ZFP37: variants seen among roughly 807,000 people sequenced by gnomAD.
The protein encoded by ZFP37 is zinc finger protein 37 homolog.
Under a neutral mutation model 52.1 loss-of-function variants are expected in ZFP37, and 38 were observed. The ratio of observed to expected loss-of-function variants is 0.73; its 90% CI spans 0.56 to 0.96. The LOEUF (loss-of-function observed/expected upper bound fraction) is 0.96. ZFP37 is among the 40% of genes least tolerant of loss of function. The pLI is 0.00. For missense variants in ZFP37, 695 were observed against 741.4 expected, an observed-to-expected ratio of 0.94 and a Z score of 0.73; for synonymous variants, 253 against 259.5, an observed-to-expected ratio of 0.98 and a Z score of 0.24.
intron 1 of ZFP37, 59 bp downstream of exon 1, chr9:113,056,498 T>C: frequency 6.3e-7 from 1 of 1,597,010 alleles, no homozygotes; most frequent in Non-Finnish European, 8.5e-7. Flanking sequence ...CTCCAATCAC[T>C]GCCCCGCAAG....
rs997054320 is a variant in ZFP37, at chr9:113,039,136, A to G, written c.*3589T>C. On this transcript the variant is annotated 3_prime_UTR_variant, in exon 4 of 4. Transcript: ENST00000374227. ...TATTTCTCTCTGTTCTGCAATAAAT[A>G]TCATAGTACGCCTTGATTGTACAAC... 4 of 152,150 alleles carry G rather than the reference A, an allele frequency of 2.6e-5. No homozygotes were observed. The highest frequency in any genetic ancestry group is 9.7e-5 in the African/African-American group (4 of 41,438). The allele number at this position is 152,150 out of a possible 1,614,324, so 9.4% of individuals were successfully genotyped here.
Position 113,043,725 on chromosome 9 carries a change from C to T in ZFP37, c.893G>A (p.Cys298Tyr), listed in dbSNP as rs1828898209. 2 of 1,613,902 alleles carry T rather than the reference C, an allele frequency of 1.2e-6. No individual in the cohort carries two copies. The highest frequency in any genetic ancestry group is 1.7e-5 in the Admixed American group (1 of 59,998). Residue 298 changes from cysteine to tyrosine, a missense_variant, in exon 4 of 4, where the codon TGT becomes TAT. Cys to Tyr is a radical substitution (Grantham distance 194). Around this residue, in one of 2 missense-constraint regions of ZFP37, gnomAD observed 326 missense variants for 400.5 expected, o/e 0.81. Transcript: ENST00000374227. Reference protein sequence around the residue: ...ACVKPYECNQCGKVLSHKQGL... With the variant: ...ACVKPYECNQYGKVLSHKQGL... The stretch of plus-strand genomic sequence containing the variant: ...TTGTTTATGGCTGAGAACCTTTCCA[C>T]ATTGATTACATTCATAGGGTTTCAC...
Position 113,042,467 on chromosome 9 carries a change from G to A in ZFP37, c.*258C>T. On this transcript the variant is annotated 3_prime_UTR_variant, in exon 4 of 4. Transcript: ENST00000374227. ...ATTCAAATAATTCACAATTTTTAAAGCTTTCAATTTCAATCTGAACATGTA... is the reference window on the plus strand; with the variant it reads ...ATTCAAATAATTCACAATTTTTAAAACTTTCAATTTCAATCTGAACATGTA... The A allele has an allele frequency of 6.2e-6, 2 of 320,848 alleles. No individual in the cohort carries two copies. The highest frequency in any genetic ancestry group is 5.5e-5 in the East Asian group (1 of 18,298). 19.9% of individuals were successfully genotyped at this position (320,848 alleles called of 1,614,324 possible).
intron 3 of ZFP37, among the ~76,000 whole-genome samples, chr9:113,046,208 ATATC>A (rs1214684376): frequency 1.1e-4 from 8 of 70,166 alleles, no homozygotes; most frequent in East Asian, 4.7e-4. Flanking sequence ...AGACAGATAT[ATATC>A]TATATATAGA....
chr9:113,046,223 C>CAGATATATATCTATATATAGACAGAT (rs3033197), intron 3 of ZFP37, among the ~76,000 whole-genome samples: 8 of 148,216 alleles, frequency 5.4e-5, no homozygotes, highest in African/African-American at 9.9e-5. Flanking sequence ...TATATATAGA[C>CAGATATATATCTATATATAGACAGAT]ATATATCTAT....
intron 3 of ZFP37, among the ~76,000 whole-genome samples, chr9:113,049,052 C>G (rs1829009287): frequency 6.6e-6 from 1 of 152,132 alleles, no homozygotes; most frequent in South Asian, 2.1e-4. Context: ...ATTTCAGGGG[C>G]TCATTCCTTC....
chr9:113,039,958 G>A lies in ZFP37; in HGVS notation c.*2767C>T, dbSNP rs1384534044. 1 of 152,150 alleles carries A rather than the reference G, an allele frequency of 6.6e-6. No homozygotes were observed. The highest frequency in any genetic ancestry group is 1.5e-5 in the Non-Finnish European group (1 of 68,024). 9.4% of individuals were successfully genotyped at this position (152,150 alleles called of 1,614,324 possible). A position where few individuals can be genotyped will look rare whatever the true frequency, so the allele number is the denominator to read the frequency against. On this transcript the variant is annotated 3_prime_UTR_variant, in exon 4 of 4. Transcript: ENST00000374227. ...TGCAAATTCTCAAGGCCCACCCACAGGGTTTCTGATCCAATATGTCTGTGA... is the reference window on the plus strand; with the variant it reads ...TGCAAATTCTCAAGGCCCACCCACAAGGTTTCTGATCCAATATGTCTGTGA...
At position 113,040,257 on chromosome 9, in the gene ZFP37, T is replaced by TC. The variant is rs1828824852; in HGVS notation, c.*2467dup. The TC allele has an allele frequency of 6.6e-6, 1 of 152,218 alleles. No homozygotes were observed. The highest frequency in any genetic ancestry group is 2.4e-5 in the African/African-American group (1 of 41,458). 9.4% of individuals were successfully genotyped at this position (152,218 alleles called of 1,614,324 possible). ...TCTCAGATGTGGCAATACTATGGGT[T>TC]CCCCAAGACATGTGGAAATTCAACA... On this transcript the variant is annotated 3_prime_UTR_variant, in exon 4 of 4. Transcript: ENST00000374227.
rs1828839555 is a variant in ZFP37, at chr9:113,041,158, C to T, written c.*1567G>A. ...GTGTTGGCTAGTCTGATCTCAAACT[C>T]CTGGCCTCAAGTGATCCACCCACCT... On this transcript the variant is annotated 3_prime_UTR_variant, in exon 4 of 4. Coordinates refer to ENST00000374227, the MANE Select transcript of ZFP37 (RefSeq NM_003408.3). The T allele has an allele frequency of 6.6e-6, 1 of 152,128 alleles. No homozygotes were observed. Among genetic ancestry groups the T allele is most frequent in the Non-Finnish European group, 1.5e-5 (1 of 68,040 alleles). The allele number at this position is 152,128 out of a possible 1,614,324, so 9.4% of individuals were successfully genotyped here.
In ZFP37 at chr9:113,043,705, T is replaced by G. The variant is rs772661441; in HGVS notation, c.913A>C (p.Lys305Gln). 1.2e-6 allele frequency: 2 copies of G among 1,614,090 alleles called. No homozygotes were observed. Among genetic ancestry groups the G allele is most frequent in the South Asian group, 1.1e-5 (1 of 91,082 alleles). ...CNQCGKVLSH[K>Q]QGLIDHQRVH... Reference sequence around the variant, plus strand: ...CTCTGATGGTCAATGAGTCCTTGTTTATGGCTGAGAACCTTTCCACATTGA... The same window carrying G: ...CTCTGATGGTCAATGAGTCCTTGTTGATGGCTGAGAACCTTTCCACATTGA... Residue 305 changes from lysine (K) to glutamine (Q), a missense_variant, in exon 4 of 4, where the codon AAA (lysine) becomes CAA (glutamine). Lys to Gln is a moderately conservative substitution (Grantham distance 53). This residue lies in a region of ZFP37 where 326 missense variants were observed against 400.5 expected (regional missense o/e 0.81). Coordinates refer to ENST00000374227, the MANE Select transcript of ZFP37 (RefSeq NM_003408.3).
At chr9:113,049,747 TATCACAGTG>T in intron 2 of ZFP37, 35 bp downstream of exon 2, 14 of 1,602,468 alleles carry the variant, frequency 8.7e-6, no homozygotes, top group Non-Finnish European at 1.1e-5. Context: ...AGAGAGAAGG[TATCACAGTG>T]GACACATTTT....
chr9:113,045,229 T>C (rs1223146057), intron 3 of ZFP37, among the ~76,000 whole-genome samples: 1 of 152,194 alleles, frequency 6.6e-6, no homozygotes, highest in African/African-American at 2.4e-5. Context: ...ATTTTTCTTG[T>C]AGTGCTTAGA....
At chr9:113,051,089 G>A (rs1829049381) in intron 1 of ZFP37, among the ~76,000 whole-genome samples, 1 of 151,990 alleles carries the variant, frequency 6.6e-6, no homozygotes, top group African/African-American at 2.4e-5. Context: ...AAGTAAAAAT[G>A]GATCAGAATA....
chr9:113,051,304 T>C (rs1030303187), intron 1 of ZFP37, among the ~76,000 whole-genome samples: 3 of 152,304 alleles, frequency 2.0e-5, no homozygotes, highest in East Asian at 1.9e-4. Context: ...TTAAAGTATG[T>C]TGAAGTCCTC....
intron 3 of ZFP37, among the ~76,000 whole-genome samples, chr9:113,048,797 G>A (rs1161250468): frequency 6.6e-6 from 1 of 152,170 alleles, no homozygotes; most frequent in Non-Finnish European, 1.5e-5. Context: ...TTGAACTCAG[G>A]AGTGGCCAGA....
Position 113,043,170 on chromosome 9 carries a change from T to G in ZFP37, c.1448A>C (p.His483Pro), listed in dbSNP as rs1210243169. The change falls in exon 4 of 4, where the codon CAT (histidine) becomes CCT (proline). Residue 483 changes from histidine to proline, a missense_variant. By Grantham distance (77) the His-to-Pro change is moderately conservative. Transcript: ENST00000374227. ...KSHLIIHQRT[H>P]TKEKPYKCNE... ...ACATTTATAAGGTTTCTCCTTAGTA[T>G]GAGTTCTTTGATGTATAATGAGGTG... is the stretch of plus-strand genomic sequence containing the variant. 1 of 1,613,878 alleles carries G rather than the reference T, an allele frequency of 6.2e-7. No individual in the cohort carries two copies. The highest frequency in any genetic ancestry group is 8.5e-7 in the Non-Finnish European group (1 of 1,179,958).
chr9:113,046,225 T>TAC (rs1828950086), intron 3 of ZFP37, among the ~76,000 whole-genome samples: 1 of 100,382 alleles, frequency 1.0e-5, no homozygotes, highest in Admixed American at 1.1e-4. Flanking sequence ...TATATAGACA[T>TAC]ATATCTATAT....
rs553867337 is a variant in ZFP37 at position 113,045,281 on chromosome 9, C to G, written c.350-1013G>C. ...TATCTTTTCCTTTCTATTGCTACCA[C>G]TGAAATGACCCCTAAAATGATATTC... On this transcript the variant is annotated intron_variant, in intron 3 of 3. Coordinates refer to ENST00000374227, the MANE Select transcript of ZFP37 (RefSeq NM_003408.3). Among the ~76,000 whole-genome samples the G allele has an allele frequency of 3.3e-5, 5 of 152,298 alleles. No individual in the cohort carries two copies. In the South Asian group the frequency reaches 6.2e-4, roughly 19 times the overall value.
Position 113,056,442 on chromosome 9 carries a change from T to C in ZFP37, c.132+115A>G, listed in dbSNP as rs192223824. Reference sequence around the variant, plus strand: ...AACACCGACCTCCCAAAAGACCATCTAGCATCGATTCCACCAATTCCCAAA... The same window carrying C: ...AACACCGACCTCCCAAAAGACCATCCAGCATCGATTCCACCAATTCCCAAA... On this transcript the variant is annotated intron_variant, in intron 1 of 3. Transcript: ENST00000374227. 697 of 1,512,396 alleles carry C rather than the reference T, an allele frequency of 4.6e-4. 11 individuals are homozygous for C. The African/African-American group carries it at 8.8e-3, about 19-fold the overall frequency. The allele number at this position is 1,512,396 out of a possible 1,614,324, so 93.7% of individuals were successfully genotyped here. A position where few individuals can be genotyped will look rare whatever the true frequency, so the allele number is the denominator to read the frequency against.
Sources: allele counts gnomAD v4.1 joint callset (sites outside exome capture counted in the v4.1 genomes callset), GRCh38; gene constraint gnomAD v4.1.1; regional missense constraint gnomAD v4.1.1; transcripts MANE v1.5; gene names NCBI Gene and HGNC (gene_info 2026-07-23, HGNC 2026-07-21).